Variants in SCRN1 observed in about 807,000 individuals in gnomAD.
SCRN1 encodes secernin 1.
Under a neutral mutation model 43.3 loss-of-function variants are expected in SCRN1, and 19 were observed. The ratio of observed to expected loss-of-function variants is 0.44; its 90% CI spans 0.31 to 0.64. The LOEUF is 0.64. Ranked by LOEUF, SCRN1 falls within the 30% of genes least tolerant of loss-of-function variation. The pLI is 0.09. For synonymous variants in SCRN1, 183 were observed against 188.9 expected (o/e 0.97, Z 0.26); for missense variants, 447 against 524.1 (o/e 0.85, Z 1.44).
chr7:29,980,845 C>T (rs552911403), intron 1 of SCRN1, among the ~76,000 whole-genome samples: 1 of 151,798 alleles, frequency 6.6e-6, no homozygotes, highest in East Asian at 1.9e-4. Context: ...ATGTATATAC[C>T]TATATATGCG....
intron 1 of SCRN1, among the ~76,000 whole-genome samples, chr7:29,978,518 T>C (rs1262574791): frequency 1.3e-5 from 2 of 152,112 alleles, no homozygotes; most frequent in Non-Finnish European, 2.9e-5. Context: ...CCCATGTGTA[T>C]AGGTACAAGA....
chr7:29,986,250 C>G (rs1281143977), intron 1 of SCRN1, among the ~76,000 whole-genome samples: 1 of 152,020 alleles, frequency 6.6e-6, no homozygotes, highest in East Asian at 1.9e-4. Flanking sequence ...GAGAGCAAGA[C>G]AGATGCGAAC....
At chr7:29,984,204 CAAAAAAAA>C (rs55733700) in intron 1 of SCRN1, among the ~76,000 whole-genome samples, 19,767 of 99,112 alleles carry the variant, frequency 0.2, 1,475 homozygotes, top group African/African-American at 0.26. Flanking sequence ...AGACAGTCTC[CAAAAAAAA>C]AAAAAAAAAA....
chr7:29,926,685 A>G (rs924652489), intron 6 of SCRN1, 53 bp from the exon 7 acceptor site: 228 of 1,478,494 alleles, frequency 1.5e-4, no homozygotes, highest in Non-Finnish European at 2.0e-4. Context: ...ACCCGGGAAC[A>G]CCCAGAGACT....
intron 2 of SCRN1, among the ~76,000 whole-genome samples, chr7:29,968,453 G>T (rs1403132847): frequency 6.6e-6 from 1 of 152,140 alleles, no homozygotes; most frequent in African/African-American, 2.4e-5. Flanking sequence ...AGTATATATG[G>T]CATGCTGCTG....
chr7:29,960,264 T>C (rs1010383353), intron 2 of SCRN1, among the ~76,000 whole-genome samples: 1 of 152,180 alleles, frequency 6.6e-6, no homozygotes, highest in Non-Finnish European at 1.5e-5. Context: ...CTTGTAAATA[T>C]TTTCAATGAT....
intron 3 of SCRN1, among the ~76,000 whole-genome samples, chr7:29,947,719 A>G (rs1436045884): frequency 6.6e-6 from 1 of 152,212 alleles, no homozygotes; most frequent in East Asian, 1.9e-4. Flanking sequence ...GGTTTCCCCA[A>G]AAATTCATAT....
At chr7:29,949,563 T>C (rs149189923) in intron 3 of SCRN1, among the ~76,000 whole-genome samples, 1 of 151,990 alleles carries the variant, frequency 6.6e-6, no homozygotes, top group African/African-American at 2.4e-5. Flanking sequence ...ATTTTGTAGA[T>C]ACAGAGTTTT....
In SCRN1 at chr7:29,940,841, T is replaced by C. The variant is rs988277010; in HGVS notation, c.580A>G (p.Thr194Ala). 1.3e-6 allele frequency: 2 copies of C among 1,571,230 alleles called. No homozygotes were observed. Among genetic ancestry groups the C allele is most frequent in the Non-Finnish European group, 8.6e-7 (1 of 1,164,434 alleles). ...VRCICSQLSL[T>A]TKMDAEHPEL... ...GGATGCTCTGCATCCATCTTAGTGGTGAGCGAAAGCTGACTGCAAATGCAC... is the reference window on the plus strand; with the variant it reads ...GGATGCTCTGCATCCATCTTAGTGGCGAGCGAAAGCTGACTGCAAATGCAC... Residue 194 changes from threonine to alanine, a missense_variant, in exon 5 of 8, where the codon ACC (threonine) becomes GCC (alanine). By Grantham distance (58) the Thr-to-Ala change is moderately conservative (BLOSUM62 0). Coordinates refer to ENST00000242059, the MANE Select transcript of SCRN1 (RefSeq NM_014766.5).
At position 29,986,549 on chromosome 7, in the gene SCRN1, C is replaced by G. The variant is rs144537063; in HGVS notation, c.-2+3093G>C. Among the ~76,000 whole-genome samples the G allele has an allele frequency of 7.2e-5, 11 of 151,980 alleles. No homozygotes were observed. In the East Asian group the frequency reaches 2.1e-3, roughly 29 times the overall value. On this transcript the variant is annotated intron_variant, in intron 1 of 7. Transcript: ENST00000242059. ...AGATGAAACAGCACAGATCTAGACTCTAATGAAAACGGATTTAAAAAAAAA... is the reference window on the plus strand; with the variant it reads ...AGATGAAACAGCACAGATCTAGACTGTAATGAAAACGGATTTAAAAAAAAA...
intron 3 of SCRN1, among the ~76,000 whole-genome samples, chr7:29,945,634 G>GA (rs1388569753): frequency 6.6e-6 from 1 of 152,222 alleles, no homozygotes; most frequent in African/African-American, 2.4e-5. Context: ...CTGTGGCAGA[G>GA]AAACATATGA....
intron 1 of SCRN1, among the ~76,000 whole-genome samples, chr7:29,986,051 A>G (rs539220079): frequency 6.6e-6 from 1 of 152,318 alleles, no homozygotes; most frequent in East Asian, 1.9e-4. Flanking sequence ...CCCGACCAAT[A>G]TGGTGAAACC....
At chr7:29,986,437 T>C (rs1191215817) in intron 1 of SCRN1, among the ~76,000 whole-genome samples, 1 of 152,038 alleles carries the variant, frequency 6.6e-6, no homozygotes, top group African/African-American at 2.4e-5. Flanking sequence ...ATTTTTGAAA[T>C]TGTGTGTATA....
chr7:29,990,047 G>A (rs1444683770), upstream of SCRN1: 4 of 1,487,874 alleles, frequency 2.7e-6, no homozygotes, highest in East Asian at 7.4e-5. Context: ...CTTGGTTGTG[G>A]CTCTCAAAAG....
At chr7:29,951,846 T>G (rs1305694192) in intron 3 of SCRN1, among the ~76,000 whole-genome samples, 2 of 152,258 alleles carry the variant, frequency 1.3e-5, no homozygotes, top group East Asian at 3.8e-4. Context: ...CATTCCCTTA[T>G]GTCTCTTTGA....
chr7:29,955,122 C>T, intron 3 of SCRN1, 57 bp downstream of exon 3: 1 of 1,472,176 alleles, frequency 6.8e-7, no homozygotes, highest in Non-Finnish European at 9.4e-7. Context: ...GAAATAAATC[C>T]TGTCCCCATT....
chr7:29,987,048 A>G (rs999055824), intron 1 of SCRN1, among the ~76,000 whole-genome samples: 2 of 151,634 alleles, frequency 1.3e-5, no homozygotes, highest in African/African-American at 4.9e-5. Flanking sequence ...TAAATGGCAC[A>G]TGTCACATCA....
At chr7:29,940,266 C>A (rs1474460800) in intron 5 of SCRN1, among the ~76,000 whole-genome samples, 1 of 152,034 alleles carries the variant, frequency 6.6e-6, no homozygotes, top group Non-Finnish European at 1.5e-5. Flanking sequence ...ATCCATGGAA[C>A]AAAAAATTAT....
At chr7:29,985,963 G>A (rs1789136931) in intron 1 of SCRN1, among the ~76,000 whole-genome samples, 1 of 152,244 alleles carries the variant, frequency 6.6e-6, no homozygotes, top group African/African-American at 2.4e-5. Flanking sequence ...GGCTGGGCGA[G>A]GTGGCTCATG....
Sources: gnomAD v4.1 joint callset for allele counts (sites outside exome capture counted in the v4.1 genomes callset) on GRCh38, gnomAD v4.1.1 for gene constraint, MANE v1.5 for transcripts, NCBI Gene and HGNC (gene_info 2026-07-23, HGNC 2026-07-21) for gene names.